Variants in DCDC2 observed in about 807,000 individuals in gnomAD.
DCDC2 encodes the protein doublecortin domain-containing protein 2.
Under a neutral mutation model 50.2 loss-of-function variants are expected in DCDC2, and 40 were observed. The ratio of observed to expected loss-of-function variants is 0.80; its 90% CI spans 0.62 to 1.04. The LOEUF (loss-of-function observed/expected upper bound fraction) is 1.04. DCDC2 is among the 50% of genes least tolerant of loss of function. DCDC2 has a pLI of 0.00. For synonymous variants in DCDC2, 234 were observed against 210.6 expected, an observed-to-expected ratio of 1.11 and a Z score of -0.96; for missense variants, 570 against 581.9, an observed-to-expected ratio of 0.98 and a Z score of 0.21.
intron 7 of DCDC2, among the ~76,000 whole-genome samples, chr6:24,261,291 C>T (rs149316152): frequency 0.02 from 2,918 of 142,656 alleles, 29 homozygotes; most frequent in Middle Eastern, 0.056. Context: ...TTTTTTGTTG[C>T]TACTAATGTT....
chr6:24,188,418 G>T (rs1418589011), intron 8 of DCDC2, among the ~76,000 whole-genome samples: 1 of 152,152 alleles, frequency 6.6e-6, no homozygotes, highest in African/African-American at 2.4e-5. Flanking sequence ...TTGACAAAAT[G>T]ATTTCTGGCC....
At chr6:24,250,283 T>C (rs9295619) in intron 7 of DCDC2, among the ~76,000 whole-genome samples, 72,447 of 151,972 alleles carry the variant, frequency 0.48, 20,299 homozygotes, top group Non-Finnish European at 0.6. Context: ...CAACACCAGG[T>C]TGCAGGGCCA....
chr6:24,211,508 T>G (rs181710231), intron 7 of DCDC2, among the ~76,000 whole-genome samples: 97 of 152,310 alleles, frequency 6.4e-4, no homozygotes, highest in African/African-American at 2.3e-3. Flanking sequence ...GAATTAAGGT[T>G]GCTAAGCAGC....
chr6:24,198,014 G>A (rs749629328), intron 8 of DCDC2, among the ~76,000 whole-genome samples: 12 of 152,020 alleles, frequency 7.9e-5, no homozygotes, highest in Non-Finnish European at 1.6e-4. Flanking sequence ...ATGTGAGTAC[G>A]TATATACTCA....
the DCDC2 span, among the ~76,000 whole-genome samples, chr6:24,382,018 A>T: frequency 6.6e-6 from 1 of 151,056 alleles, no homozygotes; most frequent in Non-Finnish European, 1.5e-5. Context: ...GAAGGCAGGC[A>T]AGCTATTTAA....
chr6:24,215,015 T>C (rs1761945370), intron 7 of DCDC2, among the ~76,000 whole-genome samples: 2 of 152,144 alleles, frequency 1.3e-5, no homozygotes, highest in African/African-American at 4.8e-5. Flanking sequence ...AGGATACGTA[T>C]TATCTACCGG....
chr6:24,212,927 G>A (rs1187254474), intron 7 of DCDC2, among the ~76,000 whole-genome samples: 1 of 152,092 alleles, frequency 6.6e-6, no homozygotes, highest in Non-Finnish European at 1.5e-5. Flanking sequence ...TGAAATAAAT[G>A]CTTTGTGTGT....
chr6:24,245,028 C>T (rs969236204), intron 7 of DCDC2, among the ~76,000 whole-genome samples: 1 of 152,120 alleles, frequency 6.6e-6, no homozygotes, highest in Admixed American at 6.6e-5. Flanking sequence ...AACCCTGACT[C>T]TCCTAAAAAT....
At chr6:24,295,482 A>G (rs1223701640) in intron 4 of DCDC2, among the ~76,000 whole-genome samples, 2 of 152,176 alleles carry the variant, frequency 1.3e-5, no homozygotes, top group Non-Finnish European at 2.9e-5. Flanking sequence ...GTCATCAGGC[A>G]AGACAAAGAA....
intron 2 of DCDC2, among the ~76,000 whole-genome samples, chr6:24,304,938 C>T (rs145834450): frequency 1.3e-3 from 196 of 152,272 alleles, no homozygotes; most frequent in Non-Finnish European, 2.3e-3. Flanking sequence ...GCTAGCAATG[C>T]ACTAAGCACA....
At position 24,173,957 on chromosome 6, in the gene DCDC2, G is replaced by C. The variant is rs1224724089; in HGVS notation, c.*773C>G. On this transcript the variant is annotated 3_prime_UTR_variant, in exon 10 of 10. Transcript: ENST00000378454. Reference sequence around the variant, plus strand: ...GAGATACTATTGGTAAAGATAGACTGGATCAGTGAAAATCCACAGGATTTC... The same window carrying C: ...GAGATACTATTGGTAAAGATAGACTCGATCAGTGAAAATCCACAGGATTTC... The C allele has an allele frequency of 1.3e-5, 2 of 152,202 alleles. No homozygotes were observed. The highest frequency in any genetic ancestry group is 2.9e-5 in the Non-Finnish European group (2 of 68,038). 9.4% of individuals were successfully genotyped at this position (152,202 alleles called of 1,614,324 possible).
At chr6:24,284,629 A>AAAT (rs1491400463) in intron 6 of DCDC2, among the ~76,000 whole-genome samples, 1 of 144,114 alleles carries the variant, frequency 6.9e-6, no homozygotes, top group Non-Finnish European at 1.5e-5. Flanking sequence ...AAAAAAAAAA[A>AAAT]TTTTTTTTGA....
At chr6:24,188,901 C>T (rs1347465550) in intron 8 of DCDC2, among the ~76,000 whole-genome samples, 1 of 151,950 alleles carries the variant, frequency 6.6e-6, no homozygotes, top group African/African-American at 2.4e-5. Flanking sequence ...GGCACGCATC[C>T]AGAATGCAAC....
intron 6 of DCDC2, among the ~76,000 whole-genome samples, chr6:24,286,773 C>T (rs1034299237): frequency 1.3e-5 from 2 of 152,164 alleles, no homozygotes; most frequent in Non-Finnish European, 2.9e-5. Context: ...TTCTTCTTGG[C>T]CATAGAACTA....
intron 7 of DCDC2, among the ~76,000 whole-genome samples, chr6:24,205,954 T>C (rs1761710481): frequency 6.6e-6 from 1 of 152,194 alleles, no homozygotes; most frequent in African/African-American, 2.4e-5. Flanking sequence ...GATGGCGATT[T>C]TACCTCCTTC....
intron 8 of DCDC2, among the ~76,000 whole-genome samples, chr6:24,200,645 A>T (rs59280764): frequency 0.023 from 3,537 of 152,282 alleles, 109 homozygotes; most frequent in African/African-American, 0.076. Flanking sequence ...ATTCACACAT[A>T]ACAATATTAA....
rs1320114990 is a variant in DCDC2 at position 24,301,819 on chromosome 6, GTT to G, written c.451_452del (p.Asn151ProfsTer45). 6.2e-7 allele frequency: 1 copy of G among 1,614,172 alleles called. No homozygotes were observed. Among genetic ancestry groups the G allele is most frequent in the Admixed American group, 1.7e-5 (1 of 60,026 alleles). On this transcript the variant is annotated frameshift_variant, in exon 4 of 10. Transcript: ENST00000378454. LOFTEE classifies it high-confidence loss of function. ...IFLIANGDLINPASRLLIPRK... is the reference protein window; with the variant it reads ...IFLIANGDLIXPASRLLIPRK... ...TGGGGATAAGGAGGCGAGAAGCTGG[GTT>G]TATGAGGTCTCCATTTGCAATCAAG... is the stretch of plus-strand genomic sequence containing the variant.
the DCDC2 span, among the ~76,000 whole-genome samples, chr6:24,370,629 G>A: frequency 1.3e-5 from 2 of 152,176 alleles, no homozygotes; most frequent in South Asian, 2.1e-4. Context: ...AGGATTGCTC[G>A]GGCCTGGGAG....
At chr6:24,380,970 G>C in the DCDC2 span, among the ~76,000 whole-genome samples, 1 of 151,898 alleles carries the variant, frequency 6.6e-6, no homozygotes, top group Admixed American at 6.6e-5. Context: ...ATAGTCCCAA[G>C]CTACTTGGGA....
Sources: gnomAD v4.1 joint callset for allele counts (sites outside exome capture counted in the v4.1 genomes callset) on GRCh38, gnomAD v4.1.1 for gene constraint, MANE v1.5 for transcripts, NCBI Gene and HGNC (gene_info 2026-07-23, HGNC 2026-07-21) for gene names.